Variants in PHACTR1 observed in about 807,000 individuals in gnomAD.
PHACTR1 encodes phosphatase and actin regulator 1.
Under a neutral mutation model 69.2 loss-of-function variants are expected in PHACTR1, and 16 were observed. The ratio of observed to expected loss-of-function variants is 0.23; its 90% CI spans 0.16 to 0.35. The LOEUF is 0.35. Among genes scored for constraint, PHACTR1 ranks in the 10% least tolerant of loss-of-function variants. The probability of loss-of-function intolerance (pLI) is 1.00; values close to 1 mark genes in which losing one functional copy is unlikely to be tolerated. For synonymous variants in PHACTR1, 312 were observed against 284.5 expected (o/e 1.10, Z -0.97); for missense variants, 510 against 734.7 (o/e 0.69, Z 3.54).
chr6:13,125,163 T>C (rs1205235623), intron 5 of PHACTR1, among the ~76,000 whole-genome samples: 1 of 152,176 alleles, frequency 6.6e-6, no homozygotes, highest in African/African-American at 2.4e-5. Flanking sequence ...CCAGAGAAAG[T>C]TGAAAACCAG....
At chr6:13,261,622 A>C (rs1775923010) in intron 10 of PHACTR1, among the ~76,000 whole-genome samples, 1 of 152,186 alleles carries the variant, frequency 6.6e-6, no homozygotes, top group African/African-American at 2.4e-5. Flanking sequence ...TGGTTGTCTA[A>C]GTGAGGCAGA....
At chr6:13,269,051 T>C (rs929072978) in intron 10 of PHACTR1, among the ~76,000 whole-genome samples, 8 of 152,138 alleles carry the variant, frequency 5.3e-5, no homozygotes, top group Admixed American at 1.3e-4. Flanking sequence ...ATGAGATCAA[T>C]GGGATGGCAC....
At chr6:13,053,581 C>T in intron 5 of PHACTR1, 52 bp downstream of exon 5, 2 of 1,568,066 alleles carry the variant, frequency 1.3e-6, no homozygotes, top group East Asian at 4.6e-5. Context: ...GCCTTCAACT[C>T]TATTATCTTA....
At chr6:13,162,510 T>A (rs1288968236) in intron 6 of PHACTR1, among the ~76,000 whole-genome samples, 1 of 152,130 alleles carries the variant, frequency 6.6e-6, no homozygotes, top group Non-Finnish European at 1.5e-5. Flanking sequence ...ATGGAAAATG[T>A]TTAACTAAAG....
At position 12,728,651 on chromosome 6, in the gene PHACTR1, T is replaced by G. The variant is rs573672984; in HGVS notation, c.103+9804T>G. 4.2e-4 allele frequency among the ~76,000 whole-genome samples: 64 copies of G among 152,296 alleles called. No homozygotes were observed. In the South Asian group the frequency reaches 0.013, roughly 30 times the overall value. Reference sequence around the variant, plus strand: ...TAAGAATTCTTAACCCAACAGGTTATTTTGAGGATTAAATGAACCATAGTT... The same window carrying G: ...TAAGAATTCTTAACCCAACAGGTTAGTTTGAGGATTAAATGAACCATAGTT... On this transcript the variant is annotated intron_variant, in intron 3 of 14. Coordinates refer to ENST00000332995, the MANE Select transcript of PHACTR1 (RefSeq NM_030948.6).
In PHACTR1 at chr6:12,958,181, G is replaced by A. The variant is rs547533242; in HGVS notation, c.251-95184G>A. 9 of 373,216 alleles carry A rather than the reference G, an allele frequency of 2.4e-5. No homozygotes were observed. In the South Asian group the frequency reaches 9.8e-4, roughly 41 times the overall value. 23.1% of individuals were successfully genotyped at this position (373,216 alleles called of 1,614,324 possible). On this transcript the variant is annotated intron_variant, in intron 4 of 14. Transcript: ENST00000332995. ...CAATAGATTTGGTTTTGAAATCCTC[G>A]GGCCGGGTTCATAGGATAGGCTGGA...
rs1761816597 is a variant in PHACTR1, at chr6:13,179,177, A to G, written c.497-3342A>G. 6.6e-6 allele frequency among the ~76,000 whole-genome samples: 1 copy of G among 152,186 alleles called. No individual in the cohort carries two copies. Among genetic ancestry groups the G allele is most frequent in the Non-Finnish European group, 1.5e-5 (1 of 68,040 alleles). On this transcript the variant is annotated intron_variant, in intron 6 of 14. Coordinates refer to ENST00000332995, the MANE Select transcript of PHACTR1 (RefSeq NM_030948.6). This position sits in a 1 kb window ranked among gnomAD's most constrained non-coding sequence, Gnocchi z 4.2. ...CTTGAGCCTGGGAGATGGAAGCTGC[A>G]GTGAGCCATGTTCATGCCACTGCAC... is the stretch of plus-strand genomic sequence containing the variant.
intron 4 of PHACTR1, among the ~76,000 whole-genome samples, chr6:12,823,194 T>G (rs1257561068): frequency 1.3e-5 from 2 of 152,188 alleles, no homozygotes; most frequent in Non-Finnish European, 2.9e-5. Flanking sequence ...TTTCTACATC[T>G]GCAAAATGGG....
At chr6:13,217,849 T>G (rs1767919899) in intron 8 of PHACTR1, among the ~76,000 whole-genome samples, 2 of 152,258 alleles carry the variant, frequency 1.3e-5, no homozygotes, top group South Asian at 4.1e-4. Context: ...TGGTTATTTC[T>G]GCTATTTTTC....
At chr6:12,852,622 AC>A (rs542044143) in intron 4 of PHACTR1, among the ~76,000 whole-genome samples, 314 of 152,170 alleles carry the variant, frequency 2.1e-3, no homozygotes, top group Non-Finnish European at 3.3e-3. Context: ...GCATACAAAA[AC>A]CCTGAAAATC....
At chr6:12,796,755 G>A (rs1417532117) in intron 4 of PHACTR1, among the ~76,000 whole-genome samples, 6 of 152,186 alleles carry the variant, frequency 3.9e-5, no homozygotes, top group Admixed American at 3.3e-4. Context: ...AGAGTCCATA[G>A]CAATGAATAA....
At chr6:13,235,183 C>T (rs191041844) in intron 10 of PHACTR1, among the ~76,000 whole-genome samples, 175 of 152,234 alleles carry the variant, frequency 1.1e-3, no homozygotes, top group African/African-American at 3.9e-3. Context: ...ACACAGAGAC[C>T]TCAGGGCAAT....
intron 5 of PHACTR1, among the ~76,000 whole-genome samples, chr6:13,099,271 A>G (rs750793992): frequency 2.0e-5 from 3 of 152,220 alleles, no homozygotes; most frequent in Non-Finnish European, 4.4e-5. Context: ...TCCATTCACC[A>G]TCATATGTCT....
In PHACTR1 at chr6:12,957,406, T is replaced by C. The variant is rs557539786; in HGVS notation, c.251-95959T>C. On this transcript the variant is annotated intron_variant, in intron 4 of 14. Coordinates refer to ENST00000332995, the MANE Select transcript of PHACTR1 (RefSeq NM_030948.6). ...GGACGGCCGAGGCAGGTCGGGGGTCTGGTTTGGATCCCCGGGTTACTTTCT... is the reference window on the plus strand; with the variant it reads ...GGACGGCCGAGGCAGGTCGGGGGTCCGGTTTGGATCCCCGGGTTACTTTCT... The C allele has an allele frequency of 9.1e-6, 9 of 985,506 alleles. No homozygotes were observed. The African/African-American group carries it at 1.6e-4, about 17-fold the overall frequency. 61.0% of individuals were successfully genotyped at this position (985,506 alleles called of 1,614,324 possible).
intron 4 of PHACTR1, among the ~76,000 whole-genome samples, chr6:12,886,210 C>T (rs1783620650): frequency 6.6e-6 from 1 of 151,530 alleles, no homozygotes; most frequent in African/African-American, 2.4e-5. Context: ...ATGAATGAAG[C>T]AAACCACAAG....
At chr6:12,946,449 A>G (rs1790682455) in intron 4 of PHACTR1, among the ~76,000 whole-genome samples, 1 of 152,172 alleles carries the variant, frequency 6.6e-6, no homozygotes. Context: ...CAAATGGGAA[A>G]CCAGTTAGAT....
chr6:12,766,462 A>T (rs1199243293), intron 4 of PHACTR1, among the ~76,000 whole-genome samples: 1 of 152,226 alleles, frequency 6.6e-6, no homozygotes, highest in African/African-American at 2.4e-5. Context: ...TAGAAATTTC[A>T]TAGTAACTTA....
chr6:13,270,817 A>G (rs1174584483), intron 10 of PHACTR1, among the ~76,000 whole-genome samples: 1 of 152,074 alleles, frequency 6.6e-6, no homozygotes, highest in African/African-American at 2.4e-5. Context: ...TTTATAAATA[A>G]AAGAGGTTTA....
intron 7 of PHACTR1, among the ~76,000 whole-genome samples, chr6:13,205,595 T>C (rs1038275039): frequency 2.0e-5 from 3 of 152,230 alleles, no homozygotes; most frequent in Non-Finnish European, 4.4e-5. Context: ...TCTGGGTTCC[T>C]GAAGGCCCTT....
Sources: allele counts gnomAD v4.1 joint callset (sites outside exome capture counted in the v4.1 genomes callset), GRCh38; gene constraint gnomAD v4.1.1; non-coding constraint Gnocchi (gnomAD v3.1); transcripts MANE v1.5; gene names NCBI Gene and HGNC (gene_info 2026-07-23, HGNC 2026-07-21).